The following RSPH14 variants were observed in gnomAD, a reference collection of about 807,000 sequenced individuals.
RSPH14 encodes rhabdoid tumor deletion region gene 1.
RSPH14 carries 20 observed loss-of-function variants against 26.7 expected under a neutral mutation model. The observed-to-expected ratio is 0.75, with a 90% CI of 0.53 to 1.09. The LOEUF is 1.09. Among genes scored for constraint, RSPH14 ranks in the 50% least tolerant of loss-of-function variants. The probability of loss-of-function intolerance (pLI) is 0.00; values close to 1 mark genes in which losing one functional copy is unlikely to be tolerated. For missense variants in RSPH14, 449 were observed against 457.2 expected, an observed-to-expected ratio of 0.98 and a Z score of 0.16; for synonymous variants, 177 against 189.3, an observed-to-expected ratio of 0.93 and a Z score of 0.53.
chr22:23,118,572 G>A (rs2069919622), intron 4 of RSPH14, among the ~76,000 whole-genome samples: 1 of 151,860 alleles, frequency 6.6e-6, no homozygotes, highest in South Asian at 2.1e-4. Flanking sequence ...AAAATACCAG[G>A]CTCTCAACTG....
intron 6 of RSPH14, among the ~76,000 whole-genome samples, chr22:23,060,135 G>A (rs1041710311): frequency 1.1e-4 from 16 of 152,240 alleles, no homozygotes; most frequent in Middle Eastern, 6.8e-3. Context: ...TCGTGACATC[G>A]TACTCTAGCC....
chr22:23,112,205 T>C (rs1216687270), intron 4 of RSPH14, among the ~76,000 whole-genome samples: 1 of 152,182 alleles, frequency 6.6e-6, no homozygotes, highest in Non-Finnish European at 1.5e-5. Flanking sequence ...GGTTCCCAGC[T>C]GCATTTCTGG....
intron 4 of RSPH14, chr22:23,070,519 G>GCCCCGCCCTT (rs1569156957): frequency 6.6e-6 from 1 of 150,420 alleles, no homozygotes; most frequent in East Asian, 2.0e-4. Flanking sequence ...GCCCCGCCCC[G>GCCCCGCCCTT]CCCCGCCCTG....
intron 4 of RSPH14, among the ~76,000 whole-genome samples, chr22:23,104,892 C>T (rs1382340940): frequency 6.6e-6 from 1 of 152,322 alleles, no homozygotes; most frequent in East Asian, 1.9e-4. Context: ...GGTGCATGGC[C>T]CTGGGCATCT....
At chr22:23,075,597 G>A (rs901942442) in intron 4 of RSPH14, among the ~76,000 whole-genome samples, 5 of 152,176 alleles carry the variant, frequency 3.3e-5, no homozygotes, top group Non-Finnish European at 7.3e-5. Flanking sequence ...AGACGTCCCT[G>A]GAGAATCCAT....
At chr22:23,125,008 A>C (rs1477219749) in intron 4 of RSPH14, 1 of 152,262 alleles carries the variant, frequency 6.6e-6, no homozygotes, top group Non-Finnish European at 1.5e-5. Context: ...TGTCTACTTT[A>C]AGAAAATAAA....
At chr22:23,067,130 T>C (rs1268545424) in intron 4 of RSPH14, among the ~76,000 whole-genome samples, 1 of 152,074 alleles carries the variant, frequency 6.6e-6, no homozygotes, top group Non-Finnish European at 1.5e-5. Context: ...ATGGGTTCAG[T>C]GGTTGATGAG....
chr22:23,164,693 A>T, the RSPH14 span, among the ~76,000 whole-genome samples: 2 of 152,094 alleles, frequency 1.3e-5, no homozygotes, highest in East Asian at 3.9e-4. Flanking sequence ...GACCGCGTCC[A>T]AGTGCTGCCG....
At chr22:23,161,512 G>T in the RSPH14 span, 2 of 1,612,384 alleles carry the variant, frequency 1.2e-6, no homozygotes, top group Non-Finnish European at 1.7e-6. Context: ...ATGGAAGGGA[G>T]TCCGCCCGAG....
chr22:23,178,481 A>G, the RSPH14 span, among the ~76,000 whole-genome samples: 1 of 151,878 alleles, frequency 6.6e-6, no homozygotes, highest in Non-Finnish European at 1.5e-5. Context: ...CTGGGATTCC[A>G]GCCCCTTTAG....
At chr22:23,172,066 G>A in the RSPH14 span, among the ~76,000 whole-genome samples, 1 of 152,146 alleles carries the variant, frequency 6.6e-6, no homozygotes, top group Admixed American at 6.5e-5. Context: ...AACTGATTCT[G>A]TAAGAATAAG....
At chr22:23,127,484 C>T (rs2146417203) in intron 4 of RSPH14, among the ~76,000 whole-genome samples, 1 of 152,326 alleles carries the variant, frequency 6.6e-6, no homozygotes, top group East Asian at 1.9e-4. Context: ...AGCTGGCCTC[C>T]ACCCCTCACC....
At chr22:23,141,734 G>A (rs2070604837) in intron 1 of RSPH14, among the ~76,000 whole-genome samples, 1 of 152,250 alleles carries the variant, frequency 6.6e-6, no homozygotes. Flanking sequence ...GGACTGGGAG[G>A]GACGTGGCCA....
chr22:23,097,899 A>G (rs915112942), intron 4 of RSPH14, among the ~76,000 whole-genome samples: 2 of 152,230 alleles, frequency 1.3e-5, no homozygotes, highest in African/African-American at 4.8e-5. Flanking sequence ...CAGGCGTGGC[A>G]AATTCCCCGG....
intron 4 of RSPH14, among the ~76,000 whole-genome samples, chr22:23,089,863 C>T (rs2068918287): frequency 6.6e-6 from 1 of 152,110 alleles, no homozygotes; most frequent in East Asian, 1.9e-4. Flanking sequence ...CCTTAAGAGC[C>T]TACAGCCAAG....
chr22:23,122,351 T>C (rs2070055445), intron 4 of RSPH14: 1 of 152,498 alleles, frequency 6.6e-6, no homozygotes, highest in Non-Finnish European at 1.5e-5. Context: ...CACACTCCTG[T>C]CCTCTGCATG....
chr22:23,176,286 T>G, the RSPH14 span, among the ~76,000 whole-genome samples: 1 of 152,230 alleles, frequency 6.6e-6, no homozygotes, highest in Non-Finnish European at 1.5e-5. Context: ...AGGCAGGGCT[T>G]GCATGTCTGC....
At chr22:23,142,059 T>G (rs1397457909), upstream of RSPH14, 17 of 982,822 alleles carry the variant, frequency 1.7e-5, no homozygotes, top group South Asian at 4.7e-5. Context: ...GGCGCCGCGG[T>G]CGACATAATC....
rs748881554 is a variant in RSPH14 at position 23,061,859 on chromosome 22, A to C, written c.740T>G (p.Val247Gly). 4 of 1,614,010 alleles carry C rather than the reference A, an allele frequency of 2.5e-6. No homozygotes were observed. The highest frequency in any genetic ancestry group is 3.4e-6 in the Non-Finnish European group (4 of 1,180,032). ...VHLLKDPVEH[V>G]KSNAAGALMF... ...CAGGGCACCGGCAGCGTTAGACTTC[A>C]CATGCTCCACTGGGTCTTTCAGCAG... Residue 247 changes from valine to glycine, a missense_variant, in exon 6 of 7, where the codon GTG becomes GGG. Coordinates refer to ENST00000216036, the MANE Select transcript of RSPH14 (RefSeq NM_014433.3).
Sources: allele counts gnomAD v4.1 joint callset (sites outside exome capture counted in the v4.1 genomes callset), GRCh38; gene constraint gnomAD v4.1.1; transcripts MANE v1.5; gene names NCBI Gene and HGNC (gene_info 2026-07-23, HGNC 2026-07-21).